The following DLGAP4 variants were observed in gnomAD, a reference collection of about 807,000 sequenced individuals.
The protein encoded by DLGAP4 is DLG associated protein 4, also known as disks large-associated protein 4.
Under a neutral mutation model 86.9 loss-of-function variants are expected in DLGAP4, and 18 were observed. The observed-to-expected ratio is 0.21, with a 90% CI of 0.14 to 0.31. DLGAP4 has a LOEUF of 0.31. Among genes scored for constraint, DLGAP4 ranks in the 10% least tolerant of loss-of-function variants. DLGAP4 has a pLI of 1.00. For synonymous variants in DLGAP4, 548 were observed against 574.3 expected, an observed-to-expected ratio of 0.95 and a Z score of 0.65; for missense variants, 1,085 against 1,362.6, an observed-to-expected ratio of 0.80 and a Z score of 3.21.
chr20:36,478,147 T>C (rs189492638), intron 7 of DLGAP4, among the ~76,000 whole-genome samples: 2 of 152,318 alleles, frequency 1.3e-5, no homozygotes, highest in East Asian at 3.9e-4. Context: ...ATGGTGATCA[T>C]CTTGTCCAGG....
At chr20:36,427,897 C>T (rs1004918651) in intron 2 of DLGAP4, among the ~76,000 whole-genome samples, 2 of 151,938 alleles carry the variant, frequency 1.3e-5, no homozygotes, top group Admixed American at 1.3e-4. Flanking sequence ...GAGCTGAGAC[C>T]ACCCCATTGC....
chr20:36,368,754 A>G (rs1351677402), intron 2 of DLGAP4, among the ~76,000 whole-genome samples: 2 of 152,292 alleles, frequency 1.3e-5, no homozygotes, highest in East Asian at 1.9e-4. Flanking sequence ...AATGAGGGCC[A>G]GCTGAATAAC....
At chr20:36,497,099 C>T in intron 8 of DLGAP4, 33 bp downstream of exon 8, 1 of 1,552,280 alleles carries the variant, frequency 6.4e-7, no homozygotes, top group Non-Finnish European at 8.7e-7. Context: ...GTGTCCTCAG[C>T]CCACTCCGTG....
intron 1 of DLGAP4, among the ~76,000 whole-genome samples, chr20:36,335,729 C>T (rs782757312): frequency 6.6e-6 from 1 of 152,292 alleles, no homozygotes; most frequent in South Asian, 2.1e-4. Flanking sequence ...TTTCCCCATC[C>T]GTCGTGCCTC....
chr20:36,522,870 G>A (rs1242566240), intron 10 of DLGAP4, among the ~76,000 whole-genome samples: 3 of 152,030 alleles, frequency 2.0e-5, no homozygotes, highest in Non-Finnish European at 4.4e-5. Flanking sequence ...TGTGTGGTGG[G>A]GGTGGGGGCA....
intron 6 of DLGAP4, among the ~76,000 whole-genome samples, chr20:36,444,775 G>A (rs1298338481): frequency 6.6e-6 from 1 of 151,736 alleles, no homozygotes; most frequent in Admixed American, 6.6e-5. Context: ...CAAGTAGCTG[G>A]CACCACAGGC....
At chr20:36,422,874 G>C (rs1353423018) in intron 2 of DLGAP4, among the ~76,000 whole-genome samples, 2 of 152,196 alleles carry the variant, frequency 1.3e-5, no homozygotes, top group Non-Finnish European at 1.5e-5. Context: ...CCTAAGTATA[G>C]CTCATTGAAA....
intron 2 of DLGAP4, among the ~76,000 whole-genome samples, chr20:36,385,765 C>T (rs1193071503): frequency 6.6e-6 from 1 of 152,208 alleles, no homozygotes; most frequent in African/African-American, 2.4e-5. Context: ...CTCTCCAGGG[C>T]CCTGTTGTGG....
chr20:36,366,591 G>A (rs1428804186), intron 1 of DLGAP4, among the ~76,000 whole-genome samples: 1 of 152,200 alleles, frequency 6.6e-6, no homozygotes, highest in African/African-American at 2.4e-5. Flanking sequence ...CATTTGGCTG[G>A]TGGGGAAACT....
At chr20:36,461,211 C>G (rs974830477) in intron 7 of DLGAP4, 1 of 151,730 alleles carries the variant, frequency 6.6e-6, no homozygotes, top group Non-Finnish European at 1.5e-5. Flanking sequence ...CCACCCCCAC[C>G]CCCCCATGCT....
chr20:36,453,934 C>CAAAAAAAAAAAAAAAAA (rs1194294335), intron 7 of DLGAP4, among the ~76,000 whole-genome samples: 1 of 42,644 alleles, frequency 2.3e-5, no homozygotes, highest in African/African-American at 8.5e-5. Flanking sequence ...ACTCTGTCTC[C>CAAAAAAAAAAAAAAAAA]AAAAAAAAAA....
chr20:36,395,968 C>T (rs1440935625), intron 2 of DLGAP4, among the ~76,000 whole-genome samples: 1 of 152,164 alleles, frequency 6.6e-6, no homozygotes, highest in Non-Finnish European at 1.5e-5. Context: ...CTGAGACTGG[C>T]TGGGCTGATT....
intron 6 of DLGAP4, among the ~76,000 whole-genome samples, chr20:36,444,042 C>T (rs1481885444): frequency 6.6e-6 from 1 of 152,180 alleles, no homozygotes; most frequent in East Asian, 1.9e-4. Context: ...CATGTGGTTC[C>T]TGTGTGATCC....
chr20:36,312,316 G>T (rs1367732729), intron 1 of DLGAP4, among the ~76,000 whole-genome samples: 3 of 152,120 alleles, frequency 2.0e-5, no homozygotes, highest in Non-Finnish European at 4.4e-5. Flanking sequence ...TCATGGAAAA[G>T]GTAGAGCCCT....
intron 7 of DLGAP4, among the ~76,000 whole-genome samples, chr20:36,483,569 G>C (rs1354257710): frequency 6.6e-6 from 1 of 152,190 alleles, no homozygotes; most frequent in Non-Finnish European, 1.5e-5. Context: ...AGGGGAAATG[G>C]GGCTGTTCTG....
intron 2 of DLGAP4, among the ~76,000 whole-genome samples, chr20:36,381,428 G>A (rs1227653604): frequency 6.6e-6 from 1 of 152,248 alleles, no homozygotes; most frequent in Non-Finnish European, 1.5e-5. Flanking sequence ...GAATGAATGA[G>A]ATAGTTCAAG....
At chr20:36,318,703 C>T (rs534138994) in intron 1 of DLGAP4, among the ~76,000 whole-genome samples, 4 of 152,224 alleles carry the variant, frequency 2.6e-5, no homozygotes, top group Admixed American at 2.6e-4. Flanking sequence ...ACTGCACCCT[C>T]CTGCCTTGGG....
chr20:36,409,472 G>A (rs1486336950), intron 2 of DLGAP4, among the ~76,000 whole-genome samples: 1 of 132,812 alleles, frequency 7.5e-6, no homozygotes, highest in Non-Finnish European at 1.5e-5. Context: ...TCTCATACCT[G>A]TAATCCTATG....
chr20:36,356,984 A>C (rs2030351631), intron 1 of DLGAP4, among the ~76,000 whole-genome samples: 1 of 152,116 alleles, frequency 6.6e-6, no homozygotes, highest in South Asian at 2.1e-4. Flanking sequence ...CCAGTATCCT[A>C]GGTGAACCAT....
Sources: gnomAD v4.1 joint callset for allele counts (sites outside exome capture counted in the v4.1 genomes callset) on GRCh38, gnomAD v4.1.1 for gene constraint, MANE v1.5 for transcripts, NCBI Gene and HGNC (gene_info 2026-07-23, HGNC 2026-07-21) for gene names.